The following KLHL29 variants were observed in gnomAD, a reference collection of about 807,000 sequenced individuals.
KLHL29 encodes kelch-like protein 29.
In KLHL29, 21 loss-of-function variants were observed where a neutral mutation model predicts 80.4. The ratio of observed to expected loss-of-function variants is 0.26; its 90% CI spans 0.19 to 0.38. KLHL29 has a LOEUF of 0.38. Among genes scored for constraint, KLHL29 ranks in the 10% least tolerant of loss-of-function variants. KLHL29 has a pLI of 1.00. For missense variants in KLHL29, 867 were observed against 1,223.9 expected (o/e 0.71, Z 4.35); for synonymous variants, 511 against 526.8 (o/e 0.97, Z 0.41).
In KLHL29 at chr2:23,627,110, G is replaced by A. The variant is rs114954393; in HGVS notation, c.286-12029G>A. Among the ~76,000 whole-genome samples, 1,119 of 152,300 alleles carry A rather than the reference G, an allele frequency of 7.3e-3. 13 individuals are homozygous for A. The highest frequency in any genetic ancestry group is 0.026 in the African/African-American group (1,081 of 41,564). On this transcript the variant is annotated intron_variant, in intron 3 of 13. Transcript: ENST00000486442. The stretch of plus-strand genomic sequence containing the variant: ...TCTGCCCCAAGAGGGCTGTTTCTGT[G>A]TCCCCTGCCTCTTCCACCACTGCTT...
chr2:23,624,568 G>A (rs1463680983), intron 3 of KLHL29, among the ~76,000 whole-genome samples: 3 of 152,196 alleles, frequency 2.0e-5, no homozygotes, highest in Non-Finnish European at 4.4e-5. Flanking sequence ...CAGAGGTCGT[G>A]ATGCTTTGGT....
chr2:23,441,318 G>T (rs1485559380), intron 1 of KLHL29, among the ~76,000 whole-genome samples: 1 of 136,950 alleles, frequency 7.3e-6, no homozygotes. Context: ...ATCACACTCT[G>T]GGGACTGTGG....
chr2:23,613,179 G>T (rs1668912322), intron 3 of KLHL29, among the ~76,000 whole-genome samples: 1 of 152,164 alleles, frequency 6.6e-6, no homozygotes, highest in South Asian at 2.1e-4. Context: ...GAACAAGTGA[G>T]ACACAGAGAG....
At chr2:23,476,640 C>G (rs1396607079) in intron 2 of KLHL29, among the ~76,000 whole-genome samples, 1 of 152,194 alleles carries the variant, frequency 6.6e-6, no homozygotes, top group Non-Finnish European at 1.5e-5. Context: ...AATGCCCTAA[C>G]GATGGACATT....
At chr2:23,597,381 GTGTATATATATATATATA>G (rs1668443866) in intron 3 of KLHL29, among the ~76,000 whole-genome samples, 2 of 58,894 alleles carry the variant, frequency 3.4e-5, no homozygotes, top group Non-Finnish European at 5.6e-5. Context: ...ATGTGTGTGT[GTGTATATATATATATATA>G]TATATATATT....
At chr2:23,578,823 G>T (rs941860347) in intron 3 of KLHL29, among the ~76,000 whole-genome samples, 1 of 152,206 alleles carries the variant, frequency 6.6e-6, no homozygotes, top group African/African-American at 2.4e-5. Context: ...CCCCGTGGCT[G>T]CCTCTCATCC....
intron 1 of KLHL29, among the ~76,000 whole-genome samples, chr2:23,428,405 A>C (rs1277012395): frequency 6.6e-6 from 1 of 152,070 alleles, no homozygotes; most frequent in African/African-American, 2.4e-5. Flanking sequence ...CTCAACTTCT[A>C]TCCCTCCTTC....
At chr2:23,541,722 T>C (rs1666839403) in intron 2 of KLHL29, among the ~76,000 whole-genome samples, 2 of 145,480 alleles carry the variant, frequency 1.4e-5, no homozygotes, top group Middle Eastern at 7.6e-3. Context: ...TCCCTCGCAA[T>C]CGAAAACAGG....
rs1289489983 is a variant in KLHL29, at chr2:23,503,441, T to C, written c.-46+27774T>C. On this transcript the variant is annotated intron_variant, in intron 2 of 13. Coordinates refer to ENST00000486442, the MANE Select transcript of KLHL29 (RefSeq NM_052920.2). This position sits in a 1 kb window ranked among gnomAD's most constrained non-coding sequence, Gnocchi z 4.0. ...TTGCCATGATCATTGCCAATCAAAC[T>C]AGGAATGTTTAGCAGATTTTAGACA... 1.3e-5 allele frequency among the ~76,000 whole-genome samples: 2 copies of C among 152,054 alleles called. No individual in the cohort carries two copies. The highest frequency in any genetic ancestry group is 4.8e-5 in the African/African-American group (2 of 41,390).
At chr2:23,441,438 CCTG>C (rs916003501) in intron 1 of KLHL29, among the ~76,000 whole-genome samples, 4 of 151,446 alleles carry the variant, frequency 2.6e-5, no homozygotes, top group Non-Finnish European at 5.9e-5. Flanking sequence ...ATGTAACTAA[CCTG>C]CACATTGTGC....
intron 5 of KLHL29, among the ~76,000 whole-genome samples, chr2:23,675,632 C>G (rs1361748213): frequency 6.6e-6 from 1 of 152,208 alleles, no homozygotes; most frequent in Non-Finnish European, 1.5e-5. Flanking sequence ...GGGGTGGTCA[C>G]TTCTTCCCAG....
intron 1 of KLHL29, among the ~76,000 whole-genome samples, chr2:23,393,168 C>CTT (rs10658551): frequency 0.27 from 40,521 of 152,030 alleles, 5,614 homozygotes; most frequent in South Asian, 0.31. Flanking sequence ...GCACAAAACT[C>CTT]TGGTAAAAAT....
chr2:23,683,866 G>A (rs530300014), intron 5 of KLHL29, among the ~76,000 whole-genome samples: 19 of 152,296 alleles, frequency 1.2e-4, no homozygotes, highest in African/African-American at 3.4e-4. Context: ...CTCCTTTCTC[G>A]GGGTCTCCTC....
chr2:23,666,866 G>C (rs1670568370), intron 5 of KLHL29, among the ~76,000 whole-genome samples: 1 of 152,238 alleles, frequency 6.6e-6, no homozygotes, highest in Non-Finnish European at 1.5e-5. Context: ...TAAGGCACCT[G>C]GCAGTTGCCA....
At chr2:23,436,432 T>G (rs1014905069) in intron 1 of KLHL29, among the ~76,000 whole-genome samples, 3 of 151,788 alleles carry the variant, frequency 2.0e-5, no homozygotes, top group African/African-American at 7.3e-5. Context: ...TGGTCTTAAT[T>G]GTGTGGTGAT....
At chr2:23,638,908 A>G (rs1251231704) in intron 3 of KLHL29, among the ~76,000 whole-genome samples, 1 of 152,176 alleles carries the variant, frequency 6.6e-6, no homozygotes, top group Non-Finnish European at 1.5e-5. Context: ...GGATGTTCCT[A>G]GAGGCAGGAG....
chr2:23,442,496 G>C (rs1663556726), intron 1 of KLHL29, among the ~76,000 whole-genome samples: 1 of 152,170 alleles, frequency 6.6e-6, no homozygotes, highest in Non-Finnish European at 1.5e-5. Flanking sequence ...TGTCTTTGAA[G>C]ATGGAGGAAG....
chr2:23,609,985 CAGGT>C (rs1338976087), intron 3 of KLHL29, among the ~76,000 whole-genome samples: 1 of 152,112 alleles, frequency 6.6e-6, no homozygotes, highest in Non-Finnish European at 1.5e-5. Flanking sequence ...GTCCATTACT[CAGGT>C]AGGGAGGGTA....
intron 5 of KLHL29, among the ~76,000 whole-genome samples, chr2:23,648,488 A>G (rs1455827049): frequency 2.0e-5 from 3 of 151,998 alleles, no homozygotes; most frequent in African/African-American, 7.2e-5. Context: ...CGTGAACAGA[A>G]GAAAATCCCC....
Sources: allele counts gnomAD v4.1 joint callset (sites outside exome capture counted in the v4.1 genomes callset), GRCh38; gene constraint gnomAD v4.1.1; non-coding constraint Gnocchi (gnomAD v3.1); transcripts MANE v1.5; gene names NCBI Gene and HGNC (gene_info 2026-07-23, HGNC 2026-07-21).